The following CST3 variants were observed in gnomAD, a reference collection of about 807,000 sequenced individuals.
The protein encoded by CST3 is cystatin C.
A neutral mutation model predicts 9.0 loss-of-function variants in CST3; 14 were observed. That is an observed-to-expected ratio of 1.56 (90% CI 1.03 to 2.44). The LOEUF (loss-of-function observed/expected upper bound fraction) is 2.44, where lower values mean the gene tolerates loss of function less well. CST3 is among the 30% of genes most tolerant of loss of function. The pLI is 0.00. For missense variants in CST3, 237 were observed against 204.3 expected, an observed-to-expected ratio of 1.16 and a Z score of -0.98; for synonymous variants, 96 against 90.2, an observed-to-expected ratio of 1.06 and a Z score of -0.37.
downstream of CST3, among the ~76,000 whole-genome samples, chr20:23,631,495 G>A (rs1881059541): frequency 1.3e-5 from 2 of 152,212 alleles, no homozygotes; most frequent in South Asian, 2.1e-4. Flanking sequence ...AGCCACGCAG[G>A]ACACGGCTTC....
Position 23,637,657 on chromosome 20 carries a change from T to C in CST3, c.206A>G (p.His69Arg). The change falls in exon 1 of 3, where the codon CAC becomes CGC. Residue 69 changes from histidine (H) to arginine (R), a missense_variant. Physicochemically the swap from His to Arg is conservative, Grantham distance 29. Transcript: ENST00000376925. ...EYNKASNDMY[H>R]SRALQVVRAR... ...GCGCACCACCTGCAGCGCGCGGCTGTGGTACATGTCGTTGCTGGCTTTGTT... is the reference window on the plus strand; with the variant it reads ...GCGCACCACCTGCAGCGCGCGGCTGCGGTACATGTCGTTGCTGGCTTTGTT... 2.6e-6 allele frequency: 4 copies of C among 1,531,604 alleles called. No homozygotes were observed. The highest frequency in any genetic ancestry group is 2.6e-6 in the Non-Finnish European group (3 of 1,140,060). 94.9% of individuals were successfully genotyped at this position (1,531,604 alleles called of 1,614,324 possible). A position where few individuals can be genotyped will look rare whatever the true frequency, so the allele number is the denominator to read the frequency against.
chr20:23,637,288 C>T (rs889262998), intron 1 of CST3, among the ~76,000 whole-genome samples: 2 of 152,244 alleles, frequency 1.3e-5, no homozygotes, highest in African/African-American at 4.8e-5. Context: ...GCAGCGCACC[C>T]GGAGCCCAGC....
At position 23,637,931 on chromosome 20, in the gene CST3, C is replaced by T. The variant is rs921017496; in HGVS notation, c.-69G>A. On this transcript the variant is annotated 5_prime_UTR_variant, in exon 1 of 3. Coordinates refer to ENST00000376925, the MANE Select transcript of CST3 (RefSeq NM_000099.4). ...AGGCTGGAGCTAGATAGAGAGGACCCGCTGCGATACCGAGGCGAGGCCGTG... is the reference window on the plus strand; with the variant it reads ...AGGCTGGAGCTAGATAGAGAGGACCTGCTGCGATACCGAGGCGAGGCCGTG... The T allele has an allele frequency of 7.9e-7, 1 of 1,259,214 alleles. No homozygotes were observed. Among genetic ancestry groups the T allele is most frequent in the Non-Finnish European group, 9.9e-7 (1 of 1,005,156 alleles). The allele number at this position is 1,259,214 out of a possible 1,614,324, so 78.0% of individuals were successfully genotyped here.
Position 23,635,334 on chromosome 20 carries a change from C to A in CST3, c.277G>T (p.Glu93Ter), listed in dbSNP as rs1037935723. 51 of 1,613,628 alleles carry A rather than the reference C, an allele frequency of 3.2e-5. No individual in the cohort carries two copies. The highest frequency in any genetic ancestry group is 4.2e-5 in the Non-Finnish European group (50 of 1,179,714). The part of the protein sequence containing the change: ...VAGVNYFLDV[E>*]LGRTTCTKTQ... ...TTGGTACACGTGGTTCGGCCCAGCT[C>A]CACGTCCAAGAAGTAGTTCACCCCA... Residue 93 changes from glutamate (E) to a stop codon, truncating the protein, a stop_gained, in exon 2 of 3, where the codon GAG becomes TAG. Coordinates refer to ENST00000376925, the MANE Select transcript of CST3 (RefSeq NM_000099.4). LOFTEE classifies it high-confidence loss of function.
Position 23,633,720 on chromosome 20 carries a change from A to C in CST3, c.*196T>G, listed in dbSNP as rs894396281. On this transcript the variant is annotated 3_prime_UTR_variant, in exon 3 of 3. Transcript: ENST00000376925. The stretch of plus-strand genomic sequence containing the variant: ...TGCACCGCACACCGGGGCTATGAGA[A>C]GCAAGAAGGAAGGAGGGAGGGCAGA... The C allele has an allele frequency of 3.0e-6, 2 of 669,766 alleles. No homozygotes were observed. The highest frequency in any genetic ancestry group is 5.4e-6 in the Non-Finnish European group (2 of 367,374). The allele number at this position is 669,766 out of a possible 1,614,324, so 41.5% of individuals were successfully genotyped here.
Position 23,633,683 on chromosome 20 carries a change from G to A in CST3, c.*233C>T. On this transcript the variant is annotated 3_prime_UTR_variant, in exon 3 of 3. Coordinates refer to ENST00000376925, the MANE Select transcript of CST3 (RefSeq NM_000099.4). The stretch of plus-strand genomic sequence containing the variant: ...CCGATGCTACTATTTTATTGCAGGA[G>A]GTGGGGGTGTATGCACCGCACACCG... The A allele has an allele frequency of 3.2e-6, 2 of 624,150 alleles. No individual in the cohort carries two copies. Among genetic ancestry groups the A allele is most frequent in the South Asian group, 3.7e-5 (2 of 54,308 alleles). The allele number at this position is 624,150 out of a possible 1,614,324, so 38.7% of individuals were successfully genotyped here. A position where few individuals can be genotyped will look rare whatever the true frequency, so the allele number is the denominator to read the frequency against.
intron 1 of CST3, 69 bp downstream of exon 1, chr20:23,637,551 G>C: frequency 7.3e-7 from 1 of 1,373,510 alleles, no homozygotes; most frequent in African/African-American, 1.5e-5. Context: ...CACGGGGTCC[G>C]GGAGCAGCGC....
downstream of CST3, among the ~76,000 whole-genome samples, chr20:23,632,628 G>A (rs1979490684): frequency 6.6e-6 from 1 of 152,210 alleles, no homozygotes; most frequent in Non-Finnish European, 1.5e-5. Context: ...TGGCGCTACT[G>A]GGGTGGATTT....
At chr20:23,634,791 A>T (rs983760581) in intron 2 of CST3, among the ~76,000 whole-genome samples, 1 of 152,122 alleles carries the variant, frequency 6.6e-6, no homozygotes, top group Non-Finnish European at 1.5e-5. Context: ...GTCTACATGC[A>T]CACACATAGG....
chr20:23,635,345 AAGT>A lies in CST3; in HGVS notation c.263_265del (p.Tyr88del). 1 of 1,610,156 alleles carries A rather than the reference AAGT, an allele frequency of 6.2e-7. No individual in the cohort carries two copies. The highest frequency in any genetic ancestry group is 8.5e-7 in the Non-Finnish European group (1 of 1,178,100). ...GGTTCGGCCCAGCTCCACGTCCAAG[AAGT>A]AGTTCACCCCAGCTACGATCTACAC... On this transcript the variant is annotated inframe_deletion, in exon 2 of 3. Coordinates refer to ENST00000376925, the MANE Select transcript of CST3 (RefSeq NM_000099.4).
In CST3 at chr20:23,637,814, C is replaced by T. The variant is rs11542359; in HGVS notation, c.49G>A (p.Val17Met). The T allele has an allele frequency of 3.6e-5, 54 of 1,505,696 alleles. No homozygotes were observed. The highest frequency in any genetic ancestry group is 4.5e-5 in the Non-Finnish European group (51 of 1,128,832). 93.3% of individuals were successfully genotyped at this position (1,505,696 alleles called of 1,614,324 possible). Residue 17 changes from valine (V) to methionine (M), a missense_variant, in exon 1 of 3, where the codon GTG (valine) becomes ATG (methionine). Physicochemically the swap from Val to Met is conservative, Grantham distance 21. Transcript: ENST00000376925. ...APLLLLAILA[V>M]ALAVSPAAGS... is the part of the protein sequence containing the mutation. ...GCCGCGGGGCTCACGGCCAGGGCCACGGCCAGGATGGCCAGCAGGAGCAGC... is the reference window on the plus strand; with the variant it reads ...GCCGCGGGGCTCACGGCCAGGGCCATGGCCAGGATGGCCAGCAGGAGCAGC...
At chr20:23,627,528 G>T (rs561732534) in exon 4 of CST3, 48 of 152,142 alleles carry the variant, frequency 3.2e-4, no homozygotes, top group African/African-American at 1.1e-3. Context: ...ATATTTTGGT[G>T]AACTTAATGT....
intron 2 of CST3, among the ~76,000 whole-genome samples, chr20:23,634,730 G>A (rs1314746340): frequency 6.6e-6 from 1 of 152,010 alleles, no homozygotes; most frequent in East Asian, 1.9e-4. Flanking sequence ...CCAATCCCAA[G>A]CTAAAGCCCT....
At position 23,637,692 on chromosome 20, in the gene CST3, G is replaced by A; in HGVS notation, c.171C>T (p.Val57=). Residue 57 remains valine (V), a synonymous_variant, in exon 1 of 3, where the codon GTC becomes GTT. Transcript: ENST00000376925. Reference sequence around the variant, plus strand: ...CGTTGCTGGCTTTGTTGTACTCGCCGACGGCAAAGTCCAGTGCACGCCGCA... The same window carrying A: ...CGTTGCTGGCTTTGTTGTACTCGCCAACGGCAAAGTCCAGTGCACGCCGCA... ...EGVRRALDFA[V]GEYNKASNDM... 1.3e-6 allele frequency: 2 copies of A among 1,542,806 alleles called. No homozygotes were observed. Among genetic ancestry groups the A allele is most frequent in the Non-Finnish European group, 1.7e-6 (2 of 1,145,024 alleles).
intron 1 of CST3, among the ~76,000 whole-genome samples, chr20:23,636,374 C>T (rs553346852): frequency 1.2e-4 from 18 of 152,276 alleles, no homozygotes; most frequent in Middle Eastern, 3.4e-3. Flanking sequence ...CCTCCCGATC[C>T]GACCCCCTAC....
chr20:23,630,208 C>G (rs957962987), downstream of CST3, among the ~76,000 whole-genome samples: 2 of 152,184 alleles, frequency 1.3e-5, no homozygotes, highest in Non-Finnish European at 1.5e-5. Context: ...CGACTGGGAT[C>G]ATGGGATTGC....
At chr20:23,627,116 G>C (rs1007541851) in exon 4 of CST3, 1 of 152,178 alleles carries the variant, frequency 6.6e-6, no homozygotes, top group East Asian at 1.9e-4. Flanking sequence ...GCAAATGGAC[G>C]TATAATCTGA....
chr20:23,636,925 T>C (rs894830447), intron 1 of CST3, among the ~76,000 whole-genome samples: 1 of 152,220 alleles, frequency 6.6e-6, no homozygotes, highest in East Asian at 1.9e-4. Context: ...AATGGAATAG[T>C]GATTATGTGC....
downstream of CST3, among the ~76,000 whole-genome samples, chr20:23,633,193 G>A (rs533846860): frequency 2.6e-5 from 4 of 152,256 alleles, no homozygotes; most frequent in South Asian, 6.2e-4. Flanking sequence ...AAAGAAGCAC[G>A]CATTGATCAC....
Sources: allele counts gnomAD v4.1 joint callset (sites outside exome capture counted in the v4.1 genomes callset), GRCh38; gene constraint gnomAD v4.1.1; transcripts MANE v1.5; gene names NCBI Gene and HGNC (gene_info 2026-07-23, HGNC 2026-07-21).